Variants in TRPC6 observed in about 807,000 individuals in gnomAD.
TRPC6 encodes the protein transient receptor potential cation channel subfamily C member 6, also known as short transient receptor potential channel 6.
Under a neutral mutation model 90.7 loss-of-function variants are expected in TRPC6, and 55 were observed. That is an observed-to-expected ratio of 0.61 (90% CI 0.49 to 0.76). The LOEUF (loss-of-function observed/expected upper bound fraction) is 0.76. Among genes scored for constraint, TRPC6 ranks in the 30% least tolerant of loss-of-function variants. The probability of loss-of-function intolerance (pLI) is 0.00; values close to 1 mark genes in which losing one functional copy is unlikely to be tolerated. For synonymous variants in TRPC6, 393 were observed against 393.0 expected, an observed-to-expected ratio of 1.00 and a Z score of 0.00; for missense variants, 989 against 1,122.7, an observed-to-expected ratio of 0.88 and a Z score of 1.70.
chr11:101,546,050 C>CTATTTTTTTTT (rs1861295985), intron 1 of TRPC6, among the ~76,000 whole-genome samples: 1 of 29,694 alleles, frequency 3.4e-5, no homozygotes, highest in Non-Finnish European at 6.2e-5. Context: ...ATTTATAACT[C>CTATTTTTTTTT]TTTTTTTTTT....
chr11:101,560,886 T>C (rs1861696374), intron 1 of TRPC6, among the ~76,000 whole-genome samples: 1 of 152,058 alleles, frequency 6.6e-6, no homozygotes, highest in African/African-American at 2.4e-5. Flanking sequence ...AGAGTTAATG[T>C]TGGTGAGGGA....
intron 1 of TRPC6, among the ~76,000 whole-genome samples, chr11:101,563,791 T>C (rs1861768114): frequency 6.6e-6 from 1 of 152,136 alleles, no homozygotes; most frequent in Non-Finnish European, 1.5e-5. Flanking sequence ...ACAGAGGGGC[T>C]ATAAAGCCAA....
chr11:101,575,866 G>A (rs1862059634), intron 1 of TRPC6, among the ~76,000 whole-genome samples: 1 of 152,166 alleles, frequency 6.6e-6, no homozygotes, highest in South Asian at 2.1e-4. Context: ...TGTTGGTTCA[G>A]TAGATCAGAG....
chr11:101,520,549 A>G (rs1420426973), intron 1 of TRPC6, among the ~76,000 whole-genome samples: 1 of 152,220 alleles, frequency 6.6e-6, no homozygotes, highest in Non-Finnish European at 1.5e-5. Context: ...AGAAGAAGAC[A>G]GGAAGATAAG....
intron 1 of TRPC6, among the ~76,000 whole-genome samples, chr11:101,533,764 C>G (rs992133987): frequency 6.6e-6 from 1 of 152,076 alleles, no homozygotes; most frequent in African/African-American, 2.4e-5. Context: ...CTCCCCATTC[C>G]TTTATTCTAA....
At position 101,546,050 on chromosome 11, in the gene TRPC6, C is replaced by CT. The variant is rs1166182552; in HGVS notation, c.170+37283dup. On this transcript the variant is annotated intron_variant, in intron 1 of 12. Coordinates refer to ENST00000344327, the MANE Select transcript of TRPC6 (RefSeq NM_004621.6). The stretch of plus-strand genomic sequence containing the variant: ...TGGATCTAGTATCACATTTATAACT[C>CT]TTTTTTTTTTTTTTTTTTTTTTTTT... Among the ~76,000 whole-genome samples the CT allele has an allele frequency of 5.7e-4, 17 of 29,720 alleles. 1 individual carries two copies. Among genetic ancestry groups the CT allele is most frequent in the African/African-American group, 1.4e-3 (11 of 7,730 alleles). 19.5% of individuals were successfully genotyped at this position (29,720 alleles called of 152,430 possible).
intron 1 of TRPC6, among the ~76,000 whole-genome samples, chr11:101,526,797 G>A (rs776660059): frequency 1.2e-4 from 17 of 144,810 alleles, no homozygotes; most frequent in Non-Finnish European, 2.4e-4. Flanking sequence ...CCGGGAGGCG[G>A]AGCTTGCAGT....
At chr11:101,513,916 G>A (rs1024208407) in intron 1 of TRPC6, among the ~76,000 whole-genome samples, 2 of 152,050 alleles carry the variant, frequency 1.3e-5, no homozygotes, top group Non-Finnish European at 2.9e-5. Flanking sequence ...TTGATAATAG[G>A]TCTGGAACAT....
chr11:101,498,198 GT>G (rs773722777), intron 2 of TRPC6, among the ~76,000 whole-genome samples: 1 of 152,072 alleles, frequency 6.6e-6, no homozygotes, highest in Non-Finnish European at 1.5e-5. Context: ...TGGGTTTTCT[GT>G]TTTTTACTGA....
chr11:101,581,454 T>TGG (rs1211958910), intron 1 of TRPC6, among the ~76,000 whole-genome samples: 3 of 152,206 alleles, frequency 2.0e-5, no homozygotes, highest in Non-Finnish European at 4.4e-5. Context: ...AATCAAATCA[T>TGG]TTTTTGACAG....
intron 1 of TRPC6, among the ~76,000 whole-genome samples, chr11:101,582,397 T>C (rs147953040): frequency 1.3e-5 from 2 of 152,080 alleles, no homozygotes; most frequent in African/African-American, 4.8e-5. Flanking sequence ...TGCGGGTGGA[T>C]GTGACAAGTC....
intron 6 of TRPC6, among the ~76,000 whole-genome samples, chr11:101,474,339 T>C (rs1859364675): frequency 1.3e-5 from 2 of 152,210 alleles, no homozygotes; most frequent in African/African-American, 2.4e-5. Flanking sequence ...CAAACAAGTC[T>C]ATTTTTACCA....
chr11:101,525,992 T>G (rs1030408154), intron 1 of TRPC6, among the ~76,000 whole-genome samples: 24 of 152,210 alleles, frequency 1.6e-4, no homozygotes, highest in African/African-American at 5.1e-4. Context: ...CACAGTCCTT[T>G]GTACTCATAG....
intron 3 of TRPC6, among the ~76,000 whole-genome samples, chr11:101,491,173 G>A (rs891387616): frequency 1.3e-5 from 2 of 152,114 alleles, no homozygotes; most frequent in African/African-American, 4.8e-5. Context: ...CTAACCGGGT[G>A]CAGTGGCTCA....
At chr11:101,453,351 A>C (rs908859126) in intron 12 of TRPC6, among the ~76,000 whole-genome samples, 11 of 152,188 alleles carry the variant, frequency 7.2e-5, no homozygotes, top group Admixed American at 1.3e-4. Context: ...AAAGGTGGTG[A>C]ATGATTCAGG....
chr11:101,453,646 T>C lies in TRPC6; in HGVS notation c.2644+4A>G. ...GGGCTGATTTGCTTCTGCGTTCAAC[T>C]CACCTTCGTTCACTTCATCACTCTC... On this transcript the variant is annotated splice_donor_region_variant and intron_variant, in intron 12 of 12. Transcript: ENST00000344327. 6.2e-7 allele frequency: 1 copy of C among 1,613,892 alleles called. No individual in the cohort carries two copies. Among genetic ancestry groups the C allele is most frequent in the Admixed American group, 1.7e-5 (1 of 59,996 alleles).
At chr11:101,520,056 G>A (rs1860619697) in intron 1 of TRPC6, among the ~76,000 whole-genome samples, 1 of 151,960 alleles carries the variant, frequency 6.6e-6, no homozygotes, top group Non-Finnish European at 1.5e-5. Flanking sequence ...TCTTTACTGA[G>A]AAGTCACTGA....
chr11:101,503,941 A>G, intron 2 of TRPC6, 83 bp downstream of exon 2: 1 of 1,539,130 alleles, frequency 6.5e-7, no homozygotes, highest in South Asian at 1.1e-5. Context: ...TAACTAGCAC[A>G]GTGCTGAGCA....
At chr11:101,559,821 T>G (rs535122446) in intron 1 of TRPC6, among the ~76,000 whole-genome samples, 1 of 139,016 alleles carries the variant, frequency 7.2e-6, no homozygotes, top group Non-Finnish European at 1.5e-5. Context: ...TGTGTGATGT[T>G]CCCCTTCCTG....
Sources: allele counts gnomAD v4.1 joint callset (sites outside exome capture counted in the v4.1 genomes callset), GRCh38; gene constraint gnomAD v4.1.1; transcripts MANE v1.5; gene names NCBI Gene and HGNC (gene_info 2026-07-23, HGNC 2026-07-21).